TRIM71: variants seen among roughly 807,000 people sequenced by gnomAD.
TRIM71 encodes the protein tripartite motif containing 71, also known as E3 ubiquitin-protein ligase TRIM71.
In TRIM71, 9 loss-of-function variants were observed where a neutral mutation model predicts 61.2. That is an observed-to-expected ratio of 0.15 (90% CI 0.09 to 0.26). The LOEUF (loss-of-function observed/expected upper bound fraction) is 0.26. TRIM71 is among the 10% of genes least tolerant of loss of function. TRIM71 has a pLI of 1.00. For synonymous variants in TRIM71, 645 were observed against 553.2 expected (o/e 1.17, Z -2.33); for missense variants, 998 against 1,238.7 (o/e 0.81, Z 2.92).
At chr3:32,878,681 T>C (rs1184986554) in intron 2 of TRIM71, among the ~76,000 whole-genome samples, 3 of 152,348 alleles carry the variant, frequency 2.0e-5, no homozygotes, top group East Asian at 1.9e-4. Flanking sequence ...CAAACAGACA[T>C]GCTGTCATCC....
At chr3:32,864,630 C>T (rs899618648) in intron 1 of TRIM71, among the ~76,000 whole-genome samples, 14 of 152,232 alleles carry the variant, frequency 9.2e-5, no homozygotes, top group Non-Finnish European at 1.8e-4. Context: ...CAACAGGGTC[C>T]TGACACCCCA....
Position 32,847,662 on chromosome 3 carries a change from G to C in TRIM71, c.853-26156G>C, listed in dbSNP as rs79664833. Among the ~76,000 whole-genome samples the C allele has an allele frequency of 5.9e-5, 9 of 152,344 alleles. No homozygotes were observed. The South Asian group carries it at 1.9e-3, about 32-fold the overall frequency. On this transcript the variant is annotated intron_variant, in intron 1 of 3. Coordinates refer to ENST00000383763, the MANE Select transcript of TRIM71 (RefSeq NM_001039111.3). The stretch of plus-strand genomic sequence containing the variant: ...TTTGGCAAGTACACATTGACTATCT[G>C]TCTTGAGCTCAGCTTTGTGCTCAGT...
At chr3:32,886,936 A>T (rs1696968209) in intron 3 of TRIM71, among the ~76,000 whole-genome samples, 1 of 152,234 alleles carries the variant, frequency 6.6e-6, no homozygotes, top group African/African-American at 2.4e-5. Context: ...CTCTTAAGGA[A>T]TATGGCTCAA....
chr3:32,865,735 C>G (rs1009568076), intron 1 of TRIM71, among the ~76,000 whole-genome samples: 4 of 145,226 alleles, frequency 2.8e-5, no homozygotes, highest in African/African-American at 5.1e-5. Flanking sequence ...GCATTCAACT[C>G]TGTAAACAGA....
rs1696098313 is a variant in TRIM71 at position 32,819,058 on chromosome 3, C to T, written c.852+126C>T. 4 of 1,059,282 alleles carry T rather than the reference C, an allele frequency of 3.8e-6. No homozygotes were observed. The South Asian group carries it at 4.1e-5, about 11-fold the overall frequency. 65.6% of individuals were successfully genotyped at this position (1,059,282 alleles called of 1,614,324 possible). ...CGGATTTGGTTTGTATTTCCTTTGG[C>T]TACGTGGCAGTCCTTGCTACCAAAG... On this transcript the variant is annotated intron_variant, in intron 1 of 3. Transcript: ENST00000383763.
chr3:32,877,921 A>G (rs749000905), intron 2 of TRIM71, among the ~76,000 whole-genome samples: 3 of 152,242 alleles, frequency 2.0e-5, no homozygotes, highest in South Asian at 4.1e-4. Context: ...ACCTCTACCT[A>G]TGAATCACGA....
At chr3:32,829,620 A>G (rs1198805226) in intron 1 of TRIM71, among the ~76,000 whole-genome samples, 1 of 101,832 alleles carries the variant, frequency 9.8e-6, no homozygotes, top group South Asian at 3.2e-4. Flanking sequence ...CATTAATGTC[A>G]TGGTATTGTG....
chr3:32,887,322 A>G lies in TRIM71; in HGVS notation c.1155+1254A>G, dbSNP rs146721816. On this transcript the variant is annotated intron_variant, in intron 3 of 3. Transcript: ENST00000383763. Reference sequence around the variant, plus strand: ...TACTCTTGGGAGAAGCCTATTTGAAAGAAGAGTCCATCCCTTCTTCATTGT... The same window carrying G: ...TACTCTTGGGAGAAGCCTATTTGAAGGAAGAGTCCATCCCTTCTTCATTGT... 9.2e-5 allele frequency among the ~76,000 whole-genome samples: 14 copies of G among 152,248 alleles called. No homozygotes were observed. In the East Asian group the frequency reaches 2.7e-3, roughly 29 times the overall value.
intron 2 of TRIM71, among the ~76,000 whole-genome samples, chr3:32,876,312 G>A (rs1036775739): frequency 4.6e-5 from 7 of 152,172 alleles, no homozygotes; most frequent in Admixed American, 1.3e-4. Context: ...AGCAGGGCAC[G>A]GTTGCTCAAA....
intron 2 of TRIM71, among the ~76,000 whole-genome samples, chr3:32,883,668 G>T (rs772471654): frequency 1.8e-4 from 27 of 152,190 alleles, no homozygotes; most frequent in Admixed American, 3.9e-4. Context: ...ATTTAGTTGA[G>T]CCTGATGTTT....
At chr3:32,858,619 G>T (rs1052439579) in intron 1 of TRIM71, among the ~76,000 whole-genome samples, 7 of 152,180 alleles carry the variant, frequency 4.6e-5, no homozygotes, top group African/African-American at 1.7e-4. Context: ...TCTTGGGGAA[G>T]AGTTTTAGAT....
chr3:32,823,322 T>A (rs536343479), intron 1 of TRIM71, among the ~76,000 whole-genome samples: 24 of 152,370 alleles, frequency 1.6e-4, no homozygotes, highest in South Asian at 1.0e-3. Flanking sequence ...ACAGCTAGTT[T>A]GGCAAGCCTG....
chr3:32,861,734 A>T (rs1469336844), intron 1 of TRIM71, among the ~76,000 whole-genome samples: 1 of 152,068 alleles, frequency 6.6e-6, no homozygotes, highest in East Asian at 1.9e-4. Flanking sequence ...AGGTACTGGG[A>T]GAGTGTGTCT....
At chr3:32,870,139 G>GT (rs746048621) in intron 1 of TRIM71, among the ~76,000 whole-genome samples, 4 of 152,142 alleles carry the variant, frequency 2.6e-5, no homozygotes, top group Non-Finnish European at 5.9e-5. Context: ...TAAAATTGTG[G>GT]TTTTTCAGTT....
chr3:32,877,182 C>T (rs1696859455), intron 2 of TRIM71, among the ~76,000 whole-genome samples: 1 of 152,182 alleles, frequency 6.6e-6, no homozygotes, highest in African/African-American at 2.4e-5. Context: ...TGGCTTACTG[C>T]AACCTTTGCC....
chr3:32,887,075 T>C (rs1307004992), intron 3 of TRIM71, among the ~76,000 whole-genome samples: 1 of 152,202 alleles, frequency 6.6e-6, no homozygotes, highest in African/African-American at 2.4e-5. Context: ...GCCAGTGTTA[T>C]GCCACCCACG....
At chr3:32,883,389 C>G (rs1696929475) in intron 2 of TRIM71, among the ~76,000 whole-genome samples, 1 of 152,226 alleles carries the variant, frequency 6.6e-6, no homozygotes, top group African/African-American at 2.4e-5. Context: ...GTGTCGGGAC[C>G]ATGCTCCCTC....
At chr3:32,854,527 A>G (rs1696574824) in intron 1 of TRIM71, among the ~76,000 whole-genome samples, 1 of 152,140 alleles carries the variant, frequency 6.6e-6, no homozygotes, top group Admixed American at 6.6e-5. Context: ...TGAGATTTTG[A>G]TGGAATTAGC....
In TRIM71 at chr3:32,891,624, G is replaced by T. The variant is rs979021897; in HGVS notation, c.2420G>T (p.Arg807Leu). Residue 807 changes from arginine (R) to leucine (L), a missense_variant, in exon 4 of 4, where the codon CGC becomes CTC. Arg to Leu is a moderately radical substitution (Grantham distance 102). Coordinates refer to ENST00000383763, the MANE Select transcript of TRIM71 (RefSeq NM_001039111.3). This position sits in a 1 kb window ranked among gnomAD's most constrained non-coding sequence, Gnocchi z 8.2. The part of the protein sequence containing the change: ...PQGVAVDQEG[R>L]IIVADSRNHR... ...GGGGTAGCTGTGGACCAGGAAGGGC[G>T]CATCATTGTGGCGGATTCCAGGAAC... 6.2e-7 allele frequency: 1 copy of T among 1,613,132 alleles called. No homozygotes were observed. The highest frequency in any genetic ancestry group is 8.5e-7 in the Non-Finnish European group (1 of 1,179,370).
Sources: allele counts gnomAD v4.1 joint callset (sites outside exome capture counted in the v4.1 genomes callset), GRCh38; gene constraint gnomAD v4.1.1; non-coding constraint Gnocchi (gnomAD v3.1); transcripts MANE v1.5; gene names NCBI Gene and HGNC (gene_info 2026-07-23, HGNC 2026-07-21).